Variants in DCAF15 observed in about 807,000 individuals in gnomAD.
DCAF15 encodes the protein DDB1- and CUL4-associated factor 15.
Under a neutral mutation model 68.0 loss-of-function variants are expected in DCAF15, and 24 were observed. The observed-to-expected ratio is 0.35, with a 90% CI of 0.26 to 0.50. DCAF15 has a LOEUF of 0.50. DCAF15 is among the 20% of genes least tolerant of loss of function. DCAF15 has a pLI of 0.98. For missense variants in DCAF15, 627 were observed against 830.6 expected, an observed-to-expected ratio of 0.75 and a Z score of 3.01; for synonymous variants, 376 against 341.6, an observed-to-expected ratio of 1.10 and a Z score of -1.11.
chr19:13,960,058 G>C lies in DCAF15; in HGVS notation c.1515G>C (p.Glu505Asp). ...LLLAFPSPTE[E>D]GQLRPKTYHT... The stretch of plus-strand genomic sequence containing the variant: ...TGGCCTTCCCGTCCCCCACTGAGGA[G>C]GGCCAGCTCCGGTGAGCGCGGGGAT... Residue 505 changes from glutamate (E) to aspartate (D), a missense_variant, in exon 10 of 13, where the codon GAG becomes GAC. By Grantham distance (45) the Glu-to-Asp change is conservative (BLOSUM62 2). Coordinates refer to ENST00000254337, the MANE Select transcript of DCAF15 (RefSeq NM_138353.4). The C allele has an allele frequency of 1.9e-6, 3 of 1,613,680 alleles. No homozygotes were observed. Among genetic ancestry groups the C allele is most frequent in the Non-Finnish European group, 2.5e-6 (3 of 1,179,994 alleles).
At chr19:13,958,258 C>G (rs760919298) in intron 6 of DCAF15, among the ~76,000 whole-genome samples, 31 of 152,130 alleles carry the variant, frequency 2.0e-4, no homozygotes, top group Non-Finnish European at 3.5e-4. Flanking sequence ...GCGTGGTCAT[C>G]AGTGGGAGCT....
intron 3 of DCAF15, 149 bp from the exon 4 acceptor site, chr19:13,955,763 G>A: frequency 1.4e-6 from 1 of 730,954 alleles, no homozygotes; most frequent in Non-Finnish European, 2.3e-6. Flanking sequence ...CTCCACGGCT[G>A]TCCTCAGGCA....
In DCAF15 at chr19:13,959,199, C is replaced by T. The variant is rs548202925; in HGVS notation, c.939C>T (p.Pro313=). The change falls in exon 7 of 13, where the codon CCC becomes CCT. Residue 313 remains proline, a synonymous_variant. Transcript: ENST00000254337. ...CCCGTTCTTCTGGGTCTCCTGAGCC[C>T]TCGCCCGCCATTGCCAAAGCCAAGG... is the stretch of plus-strand genomic sequence containing the variant. The part of the protein sequence containing the change: ...APARSSGSPE[P]SPAIAKAKEF... The T allele has an allele frequency of 5.5e-5, 88 of 1,612,798 alleles. No homozygotes were observed. The East Asian group carries it at 1.9e-3, about 35-fold the overall frequency.
In DCAF15 at chr19:13,959,265, G is replaced by A. The variant is rs1267563134; in HGVS notation, c.1005G>A (p.Lys335=). The A allele has an allele frequency of 1.2e-6, 2 of 1,611,846 alleles. No individual in the cohort carries two copies. Among genetic ancestry groups the A allele is most frequent in the African/African-American group, 2.7e-5 (2 of 74,930 alleles). Reference sequence around the variant, plus strand: ...TCTTCCGCCGGGCCAAAGAGGCCAAGGGCGGGGTCCCTGAGGAAGCCCGGC... The same window carrying A: ...TCTTCCGCCGGGCCAAAGAGGCCAAAGGCGGGGTCCCTGAGGAAGCCCGGC... The part of the protein sequence containing the change: ...ADIFRRAKEA[K]GGVPEEARPA... The change falls in exon 7 of 13, where the codon AAG becomes AAA. Residue 335 remains lysine (K), a synonymous_variant. Transcript: ENST00000254337.
At position 13,959,185 on chromosome 19, in the gene DCAF15, G is replaced by T. The variant is rs1309588777; in HGVS notation, c.925G>T (p.Gly309Trp). ...CPEAAPARSS[G>W]SPEPSPAIAK... ...TGAGGCGGCCCCAGCCCGTTCTTCT[G>T]GGTCTCCTGAGCCCTCGCCCGCCAT... The change falls in exon 7 of 13, where the codon GGG becomes TGG. Residue 309 changes from glycine (G) to tryptophan (W), a missense_variant. This residue lies in a region of DCAF15 where 236 missense variants were observed against 225.1 expected (regional missense o/e 1.05). Transcript: ENST00000254337. 1.2e-6 allele frequency: 2 copies of T among 1,612,570 alleles called. No individual in the cohort carries two copies. The highest frequency in any genetic ancestry group is 1.1e-5 in the South Asian group (1 of 91,090).
chr19:13,954,309 G>T (rs762482811), intron 1 of DCAF15, 31 bp from the exon 2 acceptor site: 1 of 1,595,382 alleles, frequency 6.3e-7, no homozygotes, highest in Non-Finnish European at 8.6e-7. Flanking sequence ...TGCAGATGGT[G>T]CCTGAAGTGC....
intron 9 of DCAF15, 24 bp from the exon 10 acceptor site, chr19:13,959,960 G>C (rs1241643875): frequency 6.3e-7 from 1 of 1,580,480 alleles, no homozygotes; most frequent in Non-Finnish European, 8.6e-7. Context: ...CTCAACAGTT[G>C]GCATCATCCA....
At chr19:13,955,863 ACCT>A (rs1568448821) in intron 3 of DCAF15, 46 bp from the exon 4 acceptor site, 3 of 1,590,448 alleles carry the variant, frequency 1.9e-6, no homozygotes, top group Non-Finnish European at 1.7e-6. Flanking sequence ...GCTTCGGGGG[ACCT>A]CCGCAGTTTC....
At chr19:13,958,363 G>A (rs1334311470) in intron 6 of DCAF15, among the ~76,000 whole-genome samples, 3 of 152,098 alleles carry the variant, frequency 2.0e-5, no homozygotes, top group South Asian at 2.1e-4. Flanking sequence ...AGGGGAGCCC[G>A]TACTCGATTT....
chr19:13,956,085 G>A (rs1258913315), intron 4 of DCAF15, 38 bp from the exon 5 acceptor site: 2 of 1,610,594 alleles, frequency 1.2e-6, no homozygotes, highest in Non-Finnish European at 1.7e-6. Flanking sequence ...GGGCCCCCCA[G>A]GCGCCGACCA....
Position 13,961,243 on chromosome 19 carries a change from C to T in DCAF15, c.*248C>T, listed in dbSNP as rs555873592. 2.5e-5 allele frequency: 14 copies of T among 570,922 alleles called. No individual in the cohort carries two copies. The highest frequency in any genetic ancestry group is 2.0e-4 in the South Asian group (10 of 50,336). 35.4% of individuals were successfully genotyped at this position (570,922 alleles called of 1,614,324 possible). A position where few individuals can be genotyped will look rare whatever the true frequency, so the allele number is the denominator to read the frequency against. ...CCCTGCCCCACCAGCCTGAGTGCCC[C>T]GCCTTCACCCCGAGCTGGGCATGGG... On this transcript the variant is annotated 3_prime_UTR_variant, in exon 13 of 13. Coordinates refer to ENST00000254337, the MANE Select transcript of DCAF15 (RefSeq NM_138353.4).
At position 13,959,305 on chromosome 19, in the gene DCAF15, G is replaced by T; in HGVS notation, c.1045G>T (p.Gly349Ter). Reference protein sequence around the residue: ...PEEARPALCPGPSGSRCRAHS... With the variant: ...PEEARPALCP ...GGAAGCCCGGCCTGCCCTGTGCCCA[G>T]GACCCTCTGGCAGCCGCTGCCGTGC... Residue 349 changes from glycine to a stop codon, truncating the protein, a stop_gained, in exon 7 of 13, where the codon GGA becomes TGA. Coordinates refer to ENST00000254337, the MANE Select transcript of DCAF15 (RefSeq NM_138353.4). LOFTEE classifies it high-confidence loss of function. The T allele has an allele frequency of 6.2e-7, 1 of 1,608,700 alleles. No homozygotes were observed.
At chr19:13,955,843 G>T in intron 3 of DCAF15, 69 bp from the exon 4 acceptor site, 1 of 1,520,262 alleles carries the variant, frequency 6.6e-7, no homozygotes, top group South Asian at 1.1e-5. Context: ...ATGAGGGACT[G>T]CATCGTACAG....
chr19:13,954,409 A>G lies in DCAF15; in HGVS notation c.202A>G (p.Ile68Val). 1.3e-6 allele frequency: 2 copies of G among 1,557,410 alleles called. No individual in the cohort carries two copies. Among genetic ancestry groups the G allele is most frequent in the South Asian group, 2.2e-5 (2 of 90,096 alleles). Reference protein sequence around the residue: ...PPRVCVSLKNIVDEDFLYAGH... With the variant: ...PPRVCVSLKNVVDEDFLYAGH... ...CCGGGTGTGCGTGTCCCTCAAGAAC[A>G]TTGTGGATGAGGACTTCCTCTATGC... Residue 68 changes from isoleucine (I) to valine (V), a missense_variant, in exon 2 of 13, where the codon ATT becomes GTT. Physicochemically the swap from Ile to Val is conservative, Grantham distance 29. This residue lies in a region of DCAF15 where 273 missense variants were observed against 393.7 expected (regional missense o/e 0.69). Coordinates refer to ENST00000254337, the MANE Select transcript of DCAF15 (RefSeq NM_138353.4).
Position 13,960,450 on chromosome 19 carries a change from C to A in DCAF15, c.1632-15C>A, listed in dbSNP as rs145192017. ...GGCCAAGGCGACGAGAGCCACTCAC[C>A]CCCTGGCCCCGCAGCGGCAGTGTCT... On this transcript the variant is annotated splice_polypyrimidine_tract_variant and intron_variant, in intron 11 of 12. Coordinates refer to ENST00000254337, the MANE Select transcript of DCAF15 (RefSeq NM_138353.4). The A allele has an allele frequency of 6.2e-7, 1 of 1,611,860 alleles. No homozygotes were observed. The highest frequency in any genetic ancestry group is 2.2e-5 in the East Asian group (1 of 44,858).
chr19:13,957,641 C>T (rs1285260712), intron 6 of DCAF15, among the ~76,000 whole-genome samples: 1 of 152,186 alleles, frequency 6.6e-6, no homozygotes, highest in Non-Finnish European at 1.5e-5. Context: ...GGCACAGTGG[C>T]TCATGCCTGT....
At chr19:13,955,847 C>G in intron 3 of DCAF15, 65 bp from the exon 4 acceptor site, 2 of 1,546,046 alleles carry the variant, frequency 1.3e-6, no homozygotes, top group Middle Eastern at 2.0e-4. Context: ...GGGACTGCAT[C>G]GTACAGCTTC....
At chr19:13,954,475 G>A (rs751836290) in intron 2 of DCAF15, 38 bp downstream of exon 2, 2 of 1,611,876 alleles carry the variant, frequency 1.2e-6, no homozygotes, top group Non-Finnish European at 1.7e-6. Flanking sequence ...AGGTGGGCGG[G>A]AGTGGTGGGC....
intron 6 of DCAF15, 101 bp from the exon 7 acceptor site, chr19:13,958,944 A>G: frequency 1.4e-6 from 2 of 1,412,944 alleles, no homozygotes; most frequent in Non-Finnish European, 9.6e-7. Context: ...CAAGTCTCCT[A>G]GAAGTGTCTC....
Sources: gnomAD v4.1 joint callset for allele counts (sites outside exome capture counted in the v4.1 genomes callset) on GRCh38, gnomAD v4.1.1 for gene constraint, gnomAD v4.1.1 regional missense constraint, MANE v1.5 for transcripts, NCBI Gene and HGNC (gene_info 2026-07-23, HGNC 2026-07-21) for gene names.